The following OLIG3 variants were observed in gnomAD, a reference collection of about 807,000 sequenced individuals.
The protein encoded by OLIG3 is class B basic helix-loop-helix protein 7.
A neutral mutation model predicts 14.7 loss-of-function variants in OLIG3; 12 were observed. The observed-to-expected ratio is 0.82, with a 90% CI of 0.52 to 1.32. The LOEUF is 1.32. Ranked by LOEUF, OLIG3 falls within the 40% of genes most tolerant of loss-of-function variation. OLIG3 has a pLI of 0.00. For missense variants in OLIG3, 405 were observed against 373.7 expected, an observed-to-expected ratio of 1.08 and a Z score of -0.69; for synonymous variants, 192 against 171.4, an observed-to-expected ratio of 1.12 and a Z score of -0.94.
In OLIG3 at chr6:137,493,689, C is replaced by G; in HGVS notation, c.482G>C (p.Cys161Ser). The G allele has an allele frequency of 6.2e-7, 1 of 1,611,976 alleles. No homozygotes were observed. The highest frequency in any genetic ancestry group is 8.5e-7 in the Non-Finnish European group (1 of 1,179,964). Residue 161 changes from cysteine (C) to serine (S), a missense_variant, in exon 1 of 1, where the codon TGC becomes TCC. By Grantham distance (112) the Cys-to-Ser change is moderately radical. This residue lies in a region of OLIG3 where 230 missense variants were observed against 178.5 expected (regional missense o/e 1.29). Transcript: ENST00000367734. This position sits in a 1 kb window ranked among gnomAD's most constrained non-coding sequence, Gnocchi z 6.1. ...GCCGGCCGAGTGGCCCACGGTCCCG[C>G]AGTGAAAGGCCGAGTGGTGGCCCCC... is the stretch of plus-strand genomic sequence containing the variant. ...IYGGHHSAFH[C>S]GTVGHSAGHP...
chr6:137,493,603 A>G lies in OLIG3; in HGVS notation c.568T>C (p.Ser190Pro). Residue 190 changes from serine (S) to proline (P), a missense_variant, in exon 1 of 1, where the codon TCA becomes CCA. By Grantham distance (74) the Ser-to-Pro change is moderately conservative. This residue lies in a region of OLIG3 where 230 missense variants were observed against 178.5 expected (regional missense o/e 1.29). Transcript: ENST00000367734. This position sits in a 1 kb window ranked among gnomAD's most constrained non-coding sequence, Gnocchi z 6.1. ...PVHPILGGAL[S>P]SGNASSPLSA... ...AGCGGTGACGAGGCGTTGCCAGATG[A>G]GAGCGCGCCGCCCAAGATGGGGTGC... 6.2e-7 allele frequency: 1 copy of G among 1,603,286 alleles called. No individual in the cohort carries two copies. Among genetic ancestry groups the G allele is most frequent in the Non-Finnish European group, 8.5e-7 (1 of 1,176,946 alleles).
In OLIG3 at chr6:137,493,530, G is replaced by T; in HGVS notation, c.641C>A (p.Ser214Ter). ...CGGCGTGGAGGGCGCCTTGAGTAGC[G>T]AGTGGGGAGGCCGGATGGTGCCGAT... ...PAIGTIRPPH[S>*]LLKAPSTPPA... The change falls in exon 1 of 1, where the codon TCG becomes TAG. Residue 214 changes from serine (S) to a stop codon, truncating the protein, a stop_gained. Transcript: ENST00000367734. LOFTEE classifies it high-confidence loss of function. The surrounding 1 kb of genome is among the most constrained non-coding windows in gnomAD (Gnocchi z 6.1). 2 of 1,579,010 alleles carry T rather than the reference G, an allele frequency of 1.3e-6. No individual in the cohort carries two copies. Among genetic ancestry groups the T allele is most frequent in the Non-Finnish European group, 1.7e-6 (2 of 1,164,778 alleles).
Position 137,492,793 on chromosome 6 carries a change from A to G in OLIG3, c.*559T>C, listed in dbSNP as rs1025308436. On this transcript the variant is annotated 3_prime_UTR_variant, in exon 1 of 1. Transcript: ENST00000367734. ...TGTCATGCCCTGGACCTCGGTTGAG[A>G]TTCAAAACTTGGGTCTTGATCTCTC... 6.5e-6 allele frequency: 1 copy of G among 153,098 alleles called. No homozygotes were observed. The highest frequency in any genetic ancestry group is 1.9e-4 in the East Asian group (1 of 5,340). 9.5% of individuals were successfully genotyped at this position (153,098 alleles called of 1,614,324 possible). A position where few individuals can be genotyped will look rare whatever the true frequency, so the allele number is the denominator to read the frequency against.
rs1475386642 is a variant in OLIG3 at position 137,493,116 on chromosome 6, CG to C, written c.*235del. 3.9e-6 allele frequency: 2 copies of C among 515,092 alleles called. No individual in the cohort carries two copies. The highest frequency in any genetic ancestry group is 4.1e-5 in the African/African-American group (2 of 48,892). 31.9% of individuals were successfully genotyped at this position (515,092 alleles called of 1,614,324 possible). A position where few individuals can be genotyped will look rare whatever the true frequency, so the allele number is the denominator to read the frequency against. ...AAAAGAAGCATGCATGCAAAACACACGACATCTGGTTCGAGTCCCCCTTTGC... is the reference window on the plus strand; with the variant it reads ...AAAAGAAGCATGCATGCAAAACACACACATCTGGTTCGAGTCCCCCTTTGC... On this transcript the variant is annotated 3_prime_UTR_variant, in exon 1 of 1. Transcript: ENST00000367734. This position sits in a 1 kb window ranked among gnomAD's most constrained non-coding sequence, Gnocchi z 6.1.
Position 137,493,417 on chromosome 6 carries a change from G to A in OLIG3, c.754C>T (p.Leu252=), listed in dbSNP as rs764132523. ...TICQMPPPPH[L]SALSTANMAR... is the part of the protein sequence containing the mutation. ...ATGTTGGCTGTGGAGAGAGCGGACA[G>A]GTGCGGCGGCGGCGGCATCTGGCAG... Residue 252 remains leucine (L), a synonymous_variant, in exon 1 of 1, where the codon CTG becomes TTG. Coordinates refer to ENST00000367734, the MANE Select transcript of OLIG3 (RefSeq NM_175747.2). The surrounding 1 kb of genome is among the most constrained non-coding windows in gnomAD (Gnocchi z 6.1). 6.9e-6 allele frequency: 11 copies of A among 1,591,936 alleles called. No homozygotes were observed. In the East Asian group the frequency reaches 2.5e-4, roughly 36 times the overall value.
chr6:137,493,850 G>T lies in OLIG3; in HGVS notation c.321C>A (p.Arg107=). 1 of 1,614,242 alleles carries T rather than the reference G, an allele frequency of 6.2e-7. No individual in the cohort carries two copies. The highest frequency in any genetic ancestry group is 8.5e-7 in the Non-Finnish European group (1 of 1,180,042). Residue 107 remains arginine, a synonymous_variant, in exon 1 of 1, where the codon CGC becomes CGA. Transcript: ENST00000367734. The surrounding 1 kb of genome is among the most constrained non-coding windows in gnomAD (Gnocchi z 6.1). ...GCCCATGCGCGTAGGGCATGACTTC[G>T]CGCAGCCCGTCCATGGCTAGGTTCA... ...HDLNLAMDGL[R]EVMPYAHGPS... is the part of the protein sequence containing the mutation.
Position 137,493,830 on chromosome 6 carries a change from T to G in OLIG3, c.341A>C (p.His114Pro), listed in dbSNP as rs1167353872. Residue 114 changes from histidine (H) to proline (P), a missense_variant, in exon 1 of 1, where the codon CAT (histidine) becomes CCT (proline). Physicochemically the swap from His to Pro is moderately conservative, Grantham distance 77. Around this residue, in one of 3 missense-constraint regions of OLIG3, gnomAD observed 165 missense variants for 165.5 expected, o/e 1.00. Transcript: ENST00000367734. This position sits in a 1 kb window ranked among gnomAD's most constrained non-coding sequence, Gnocchi z 6.1. The stretch of plus-strand genomic sequence containing the variant: ...GGAGAGCTTGCGCACCGACGGCCCA[T>G]GCGCGTAGGGCATGACTTCGCGCAG... Reference protein sequence around the residue: ...DGLREVMPYAHGPSVRKLSKI... With the variant: ...DGLREVMPYAPGPSVRKLSKI... 3 of 1,614,220 alleles carry G rather than the reference T, an allele frequency of 1.9e-6. No individual in the cohort carries two copies. In the East Asian group the frequency reaches 6.7e-5, roughly 36 times the overall value.
chr6:137,494,144 G>A lies in OLIG3; in HGVS notation c.27C>T (p.Ser9=), dbSNP rs1233515697. 1 of 1,613,658 alleles carries A rather than the reference G, an allele frequency of 6.2e-7. No homozygotes were observed. Among genetic ancestry groups the A allele is most frequent in the South Asian group, 1.1e-5 (1 of 91,050 alleles). MNSDSSSV[S]SRASSPDMDE... ...CCATGTCCGGAGATGAAGCTCTGCT[G>A]GAGACAGAGCTCGAATCAGAATTCA... Residue 9 remains serine, a synonymous_variant, in exon 1 of 1, where the codon TCC becomes TCT. Transcript: ENST00000367734.
rs11413104 is a variant in OLIG3 at position 137,494,238 on chromosome 6, T to TAAA, written c.-71_-69dup. 8.6e-6 allele frequency: 10 copies of TAAA among 1,157,402 alleles called. No individual in the cohort carries two copies. Among genetic ancestry groups the TAAA allele is most frequent in the South Asian group, 1.6e-5 (1 of 61,290 alleles). 71.7% of individuals were successfully genotyped at this position (1,157,402 alleles called of 1,614,324 possible). ...CGGGAAATTAAAGAAAATCTTGAAT[T>TAAA]AAAAAAAAAAAATCTGCACTGCCCA... is the stretch of plus-strand genomic sequence containing the variant. On this transcript the variant is annotated 5_prime_UTR_variant, in exon 1 of 1. Transcript: ENST00000367734.
rs886656686 is a variant in OLIG3 at position 137,493,921 on chromosome 6, A to G, written c.250T>C (p.Leu84=). 4 of 1,614,080 alleles carry G rather than the reference A, an allele frequency of 2.5e-6. No individual in the cohort carries two copies. Among genetic ancestry groups the G allele is most frequent in the Non-Finnish European group, 3.4e-6 (4 of 1,180,038 alleles). ...TCGCGTCCGTTGATCTTCAGCCTCAACTGCTGTAGGTCCTGCTCCGACAGC... is the reference window on the plus strand; with the variant it reads ...TCGCGTCCGTTGATCTTCAGCCTCAGCTGCTGTAGGTCCTGCTCCGACAGC... The part of the protein sequence containing the change: ...KQLSEQDLQQ[L]RLKINGRERK... Residue 84 remains leucine, a synonymous_variant, in exon 1 of 1, where the codon TTG becomes CTG. Transcript: ENST00000367734. This position sits in a 1 kb window ranked among gnomAD's most constrained non-coding sequence, Gnocchi z 6.1.
At position 137,494,235 on chromosome 6, in the gene OLIG3, A is replaced by T; in HGVS notation, c.-65T>A. 1 of 1,362,498 alleles carries T rather than the reference A, an allele frequency of 7.3e-7. No homozygotes were observed. The highest frequency in any genetic ancestry group is 1.0e-6 in the Non-Finnish European group (1 of 1,004,700). The allele number at this position is 1,362,498 out of a possible 1,614,324, so 84.4% of individuals were successfully genotyped here. On this transcript the variant is annotated 5_prime_UTR_variant, in exon 1 of 1. Transcript: ENST00000367734. ...AGGCGGGAAATTAAAGAAAATCTTGAATTAAAAAAAAAAAATCTGCACTGC... is the reference window on the plus strand; with the variant it reads ...AGGCGGGAAATTAAAGAAAATCTTGTATTAAAAAAAAAAAATCTGCACTGC...
Position 137,493,397 on chromosome 6 carries a change from G to A in OLIG3, c.774C>T (p.Ala258=), listed in dbSNP as rs1783148962. ...ACTCGGCCGACAGCCGGGCCATGTT[G>A]GCTGTGGAGAGAGCGGACAGGTGCG... The part of the protein sequence containing the change: ...PPPHLSALST[A]NMARLSAESK... Residue 258 remains alanine (A), a synonymous_variant, in exon 1 of 1, where the codon GCC becomes GCT. Transcript: ENST00000367734. This position sits in a 1 kb window ranked among gnomAD's most constrained non-coding sequence, Gnocchi z 6.1. 1.3e-6 allele frequency: 2 copies of A among 1,594,646 alleles called. No homozygotes were observed. The highest frequency in any genetic ancestry group is 1.3e-5 in the African/African-American group (1 of 74,732).
In OLIG3 at chr6:137,494,126, C is replaced by G. The variant is rs536512708; in HGVS notation, c.45G>C (p.Pro15=). 6 of 1,613,532 alleles carry G rather than the reference C, an allele frequency of 3.7e-6. No homozygotes were observed. Among genetic ancestry groups the G allele is most frequent in the Non-Finnish European group, 5.1e-6 (6 of 1,180,002 alleles). The change falls in exon 1 of 1, where the codon CCG becomes CCC. Residue 15 remains proline (P), a synonymous_variant. Transcript: ENST00000367734. Reference sequence around the variant, plus strand: ...CCCTCAGGTACATCTCATCCATGTCCGGAGATGAAGCTCTGCTGGAGACAG... The same window carrying G: ...CCCTCAGGTACATCTCATCCATGTCGGGAGATGAAGCTCTGCTGGAGACAG... ...SSSVSSRASS[P]DMDEMYLRDH...
chr6:137,494,033 A>T lies in OLIG3; in HGVS notation c.138T>A (p.Asp46Glu), dbSNP rs151086690. The T allele has an allele frequency of 3.2e-5, 51 of 1,612,266 alleles. No homozygotes were observed. The African/African-American group carries it at 4.3e-4, about 14-fold the overall frequency. Reference protein sequence around the residue: ...RLNSVSSTQGDMMQKMPGESL... With the variant: ...RLNSVSSTQGEMMQKMPGESL... ...TTTCCCCGGGCATCTTCTGCATCAT[A>T]TCGCCCTGCGTGGACGAGACCGAGT... The change falls in exon 1 of 1, where the codon GAT becomes GAA. Residue 46 changes from aspartate to glutamate, a missense_variant. Physicochemically the swap from Asp to Glu is conservative, Grantham distance 45. Transcript: ENST00000367734.
Position 137,493,853 on chromosome 6 carries a change from C to T in OLIG3, c.318G>A (p.Leu106=). ...MHDLNLAMDG[L]REVMPYAHGP... Reference sequence around the variant, plus strand: ...CATGCGCGTAGGGCATGACTTCGCGCAGCCCGTCCATGGCTAGGTTCAGGT... The same window carrying T: ...CATGCGCGTAGGGCATGACTTCGCGTAGCCCGTCCATGGCTAGGTTCAGGT... Residue 106 remains leucine (L), a synonymous_variant, in exon 1 of 1, where the codon CTG becomes CTA. Coordinates refer to ENST00000367734, the MANE Select transcript of OLIG3 (RefSeq NM_175747.2). This position sits in a 1 kb window ranked among gnomAD's most constrained non-coding sequence, Gnocchi z 6.1. 6.2e-7 allele frequency: 1 copy of T among 1,614,248 alleles called. No individual in the cohort carries two copies. The highest frequency in any genetic ancestry group is 1.3e-5 in the African/African-American group (1 of 75,076).
Position 137,494,359 on chromosome 6 carries a change from T to G in OLIG3, c.-189A>C, listed in dbSNP as rs1343895827. On this transcript the variant is annotated 5_prime_UTR_variant, in exon 1 of 1. Transcript: ENST00000367734. ...CCCACGCCCCTCTCTCTGGTTAGGC[T>G]GCTTCCTGGACAGCTAGTTGGTGTG... 1.6e-6 allele frequency: 1 copy of G among 625,060 alleles called. No homozygotes were observed. Among genetic ancestry groups the G allele is most frequent in the Non-Finnish European group, 2.9e-6 (1 of 348,658 alleles). The allele number at this position is 625,060 out of a possible 1,614,324, so 38.7% of individuals were successfully genotyped here. A position where few individuals can be genotyped will look rare whatever the true frequency, so the allele number is the denominator to read the frequency against.
Position 137,494,377 on chromosome 6 carries a change from T to C in OLIG3, c.-207A>G. On this transcript the variant is annotated 5_prime_UTR_variant, in exon 1 of 1. Coordinates refer to ENST00000367734, the MANE Select transcript of OLIG3 (RefSeq NM_175747.2). ...GTTAGGCTGCTTCCTGGACAGCTAG[T>C]TGGTGTGTGCTTGAACTAACCTCAC... is the stretch of plus-strand genomic sequence containing the variant. 1.6e-6 allele frequency: 1 copy of C among 612,192 alleles called. No homozygotes were observed. The highest frequency in any genetic ancestry group is 2.1e-5 in the South Asian group (1 of 47,980). 37.9% of individuals were successfully genotyped at this position (612,192 alleles called of 1,614,324 possible). A position where few individuals can be genotyped will look rare whatever the true frequency, so the allele number is the denominator to read the frequency against.
chr6:137,493,832 C>T lies in OLIG3; in HGVS notation c.339G>A (p.Ala113=), dbSNP rs142649210. ...AGAGCTTGCGCACCGACGGCCCATGCGCGTAGGGCATGACTTCGCGCAGCC... is the reference window on the plus strand; with the variant it reads ...AGAGCTTGCGCACCGACGGCCCATGTGCGTAGGGCATGACTTCGCGCAGCC... ...MDGLREVMPY[A]HGPSVRKLSK... Residue 113 remains alanine (A), a synonymous_variant, in exon 1 of 1, where the codon GCG becomes GCA. Transcript: ENST00000367734. The surrounding 1 kb of genome is among the most constrained non-coding windows in gnomAD (Gnocchi z 6.1). The T allele has an allele frequency of 1.9e-6, 3 of 1,614,208 alleles. No homozygotes were observed. Among genetic ancestry groups the T allele is most frequent in the East Asian group, 2.2e-5 (1 of 44,884 alleles).
At position 137,493,491 on chromosome 6, in the gene OLIG3, A is replaced by T; in HGVS notation, c.680T>A (p.Leu227Gln). 6.4e-7 allele frequency: 1 copy of T among 1,574,026 alleles called. No individual in the cohort carries two copies. Among genetic ancestry groups the T allele is most frequent in the Non-Finnish European group, 8.6e-7 (1 of 1,163,944 alleles). ...AGCCCAGTGCTGGAAGCCGCTGCCC[A>T]GCTGCAGCGCGGGCGGCGTGGAGGG... ...KAPSTPPALQ[L>Q]GSGFQHWAGL... Residue 227 changes from leucine to glutamine, a missense_variant, in exon 1 of 1, where the codon CTG becomes CAG. Around this residue, in one of 3 missense-constraint regions of OLIG3, gnomAD observed 230 missense variants for 178.5 expected, o/e 1.29. Coordinates refer to ENST00000367734, the MANE Select transcript of OLIG3 (RefSeq NM_175747.2). The surrounding 1 kb of genome is among the most constrained non-coding windows in gnomAD (Gnocchi z 6.1).
Sources: allele counts gnomAD v4.1 joint callset, GRCh38; gene constraint gnomAD v4.1.1; regional missense constraint gnomAD v4.1.1; non-coding constraint Gnocchi (gnomAD v3.1); transcripts MANE v1.5; gene names NCBI Gene and HGNC (gene_info 2026-07-23, HGNC 2026-07-21).